Variants in SH2D4A observed in about 807,000 individuals in gnomAD.
SH2D4A encodes the protein SH2 domain containing 4A.
In SH2D4A, 70 loss-of-function variants were observed where a neutral mutation model predicts 64.7. The ratio of observed to expected loss-of-function variants is 1.08; its 90% CI spans 0.89 to 1.32. The LOEUF (loss-of-function observed/expected upper bound fraction) is 1.32, where lower values mean the gene tolerates loss of function less well. Among genes scored for constraint, SH2D4A ranks in the 40% most tolerant of loss-of-function variants. The pLI, the probability that SH2D4A is intolerant of heterozygous loss-of-function variation, is 0.00. For missense variants in SH2D4A, 706 were observed against 540.1 expected (o/e 1.31, Z -3.04); for synonymous variants, 268 against 200.7 (o/e 1.34, Z -2.83).
intron 1 of SH2D4A, among the ~76,000 whole-genome samples, chr8:19,318,581 C>G (rs893531000): frequency 6.6e-6 from 1 of 152,134 alleles, no homozygotes; most frequent in Non-Finnish European, 1.5e-5. Context: ...TGTTATGAAC[C>G]TAATGACCTC....
At chr8:19,318,694 G>A (rs2052131792) in intron 1 of SH2D4A, among the ~76,000 whole-genome samples, 1 of 152,202 alleles carries the variant, frequency 6.6e-6, no homozygotes, top group Non-Finnish European at 1.5e-5. Flanking sequence ...AATGTAGATG[G>A]ATGTTCTCTC....
At chr8:19,387,658 T>C (rs1023604076) in intron 8 of SH2D4A, among the ~76,000 whole-genome samples, 1 of 152,186 alleles carries the variant, frequency 6.6e-6, no homozygotes, top group Non-Finnish European at 1.5e-5. Flanking sequence ...AGTAAGTAAG[T>C]AGTGGTTAAG....
chr8:19,339,006 A>G (rs1585157940), intron 4 of SH2D4A, among the ~76,000 whole-genome samples: 1 of 152,250 alleles, frequency 6.6e-6, no homozygotes, highest in Admixed American at 6.5e-5. Flanking sequence ...GCAAGCCGGT[A>G]CAAGTCCCCA....
chr8:19,386,479 A>T (rs1385768078), intron 8 of SH2D4A, among the ~76,000 whole-genome samples: 4 of 152,180 alleles, frequency 2.6e-5, no homozygotes, highest in Admixed American at 2.0e-4. Context: ...TTTGCAGATG[A>T]TGCACTTGAG....
chr8:19,326,194 G>A (rs897176991), intron 2 of SH2D4A, among the ~76,000 whole-genome samples: 4 of 152,198 alleles, frequency 2.6e-5, no homozygotes, highest in African/African-American at 9.7e-5. Flanking sequence ...ACTTCCTTGA[G>A]CCTCAACTTC....
chr8:19,368,906 G>C lies in SH2D4A; in HGVS notation c.917+4624G>C, dbSNP rs188710770. 1.1e-4 allele frequency among the ~76,000 whole-genome samples: 16 copies of C among 152,082 alleles called. No individual in the cohort carries two copies. In the East Asian group the frequency reaches 3.1e-3, roughly 30 times the overall value. ...TGATGAAAGTGGACATTCTTGTTTT[G>C]TTCCAAGTTTTAAAGGAAAAACTTT... is the stretch of plus-strand genomic sequence containing the variant. On this transcript the variant is annotated intron_variant, in intron 7 of 9. Coordinates refer to ENST00000265807, the MANE Select transcript of SH2D4A (RefSeq NM_022071.4).
intron 8 of SH2D4A, among the ~76,000 whole-genome samples, chr8:19,379,088 A>AG (rs2053246871): frequency 1.3e-5 from 2 of 151,330 alleles, no homozygotes; most frequent in African/African-American, 4.9e-5. Context: ...AAAAAAAAAA[A>AG]AAAAATTTCT....
intron 7 of SH2D4A, among the ~76,000 whole-genome samples, chr8:19,372,402 A>C (rs1197186100): frequency 6.6e-6 from 1 of 152,166 alleles, no homozygotes; most frequent in African/African-American, 2.4e-5. Context: ...CCAGTACAGA[A>C]GACTGTTTTA....
intron 4 of SH2D4A, among the ~76,000 whole-genome samples, chr8:19,341,718 C>T (rs1246260806): frequency 1.3e-5 from 2 of 151,956 alleles, no homozygotes; most frequent in Non-Finnish European, 2.9e-5. Flanking sequence ...TGGCATGCAC[C>T]TGTAGTCCCA....
At chr8:19,343,898 G>A (rs1389723559) in intron 4 of SH2D4A, among the ~76,000 whole-genome samples, 1 of 152,312 alleles carries the variant, frequency 6.6e-6, no homozygotes, top group South Asian at 2.1e-4. Context: ...AGGCAGGGAT[G>A]GAGTGGGTGA....
intron 4 of SH2D4A, among the ~76,000 whole-genome samples, chr8:19,352,624 A>T (rs1308240671): frequency 1.3e-5 from 2 of 152,194 alleles, no homozygotes; most frequent in Non-Finnish European, 2.9e-5. Context: ...AAGAGCATAC[A>T]TATGTTCTCT....
intron 2 of SH2D4A, among the ~76,000 whole-genome samples, chr8:19,321,682 A>G (rs776133959): frequency 1.3e-5 from 2 of 152,156 alleles, no homozygotes; most frequent in Non-Finnish European, 2.9e-5. Context: ...TGGTTTATGC[A>G]CCTTCTTGGA....
chr8:19,361,158 T>G, intron 5 of SH2D4A, 45 bp from the exon 6 acceptor site: 1 of 1,231,598 alleles, frequency 8.1e-7, no homozygotes. Flanking sequence ...GGTTCTTTTT[T>G]TGTTTTGTTT....
chr8:19,373,388 C>T (rs2053137196), intron 7 of SH2D4A, 142 bp from the exon 8 acceptor site: 2 of 385,248 alleles, frequency 5.2e-6, no homozygotes, highest in Admixed American at 4.2e-5. Flanking sequence ...GTATAAAGCA[C>T]CTCTGGTGTC....
chr8:19,393,816 G>A (rs2053540438), intron 9 of SH2D4A, among the ~76,000 whole-genome samples: 2 of 152,292 alleles, frequency 1.3e-5, no homozygotes, highest in Middle Eastern at 3.4e-3. Flanking sequence ...TACCCACATG[G>A]ATCACATATG....
intron 8 of SH2D4A, among the ~76,000 whole-genome samples, chr8:19,388,888 A>G (rs932682154): frequency 3.1e-4 from 47 of 152,224 alleles, no homozygotes; most frequent in Admixed American, 6.5e-5. Flanking sequence ...AGGAGCTCAC[A>G]TGGAAGTGGG....
At chr8:19,341,664 G>A (rs556593586) in intron 4 of SH2D4A, among the ~76,000 whole-genome samples, 4 of 152,090 alleles carry the variant, frequency 2.6e-5, no homozygotes, top group South Asian at 2.1e-4. Context: ...GCAACATGGC[G>A]AAACCCTGTC....
chr8:19,357,389 A>G, intron 5 of SH2D4A, 106 bp downstream of exon 5: 1 of 854,646 alleles, frequency 1.2e-6, no homozygotes, highest in Non-Finnish European at 1.9e-6. Context: ...ATTAAGCAGC[A>G]GGATGGGAAA....
At chr8:19,372,621 T>A (rs1585195861) in intron 7 of SH2D4A, among the ~76,000 whole-genome samples, 1 of 152,034 alleles carries the variant, frequency 6.6e-6, no homozygotes, top group Non-Finnish European at 1.5e-5. Context: ...ACTGCAGTGG[T>A]GTTGTTGTGT....
Sources: allele counts gnomAD v4.1 joint callset (sites outside exome capture counted in the v4.1 genomes callset), GRCh38; gene constraint gnomAD v4.1.1; transcripts MANE v1.5; gene names NCBI Gene and HGNC (gene_info 2026-07-23, HGNC 2026-07-21).